Variants in TDG observed in about 807,000 individuals in gnomAD.
The protein encoded by TDG is thymine DNA glycosylase.
TDG carries 23 observed loss-of-function variants against 46.1 expected under a neutral mutation model. The observed-to-expected ratio is 0.50, with a 90% CI of 0.36 to 0.71. TDG has a LOEUF of 0.71. TDG is among the 30% of genes least tolerant of loss of function. TDG has a pLI of 0.00. For synonymous variants in TDG, 115 were observed against 161.3 expected (o/e 0.71, Z 2.18); for missense variants, 304 against 486.7 (o/e 0.62, Z 3.53).
chr12:103,981,277 G>T (rs2722183), intron 4 of TDG, among the ~76,000 whole-genome samples: 2 of 120,900 alleles, frequency 1.7e-5, no homozygotes, highest in African/African-American at 3.2e-5. Context: ...CTCTTTTTGC[G>T]CAGACTGGAG....
chr12:103,966,687 AG>A (rs1871049360), intron 1 of TDG, among the ~76,000 whole-genome samples: 2 of 152,226 alleles, frequency 1.3e-5, no homozygotes, highest in Non-Finnish European at 2.9e-5. Flanking sequence ...TTGCAAAAGC[AG>A]GAGATTTAGG....
rs570007530 is a variant in TDG, at chr12:103,987,818, T to C, written c.*728T>C. On this transcript the variant is annotated 3_prime_UTR_variant, in exon 10 of 10. Transcript: ENST00000392872. ...TTTTACTTGAGACATGTAAATATGA[T>C]AGGGAAGGAACTGAATTTCTCCATT... 3 of 152,600 alleles carry C rather than the reference T, an allele frequency of 2.0e-5. No homozygotes were observed. The South Asian group carries it at 6.2e-4, about 32-fold the overall frequency. The allele number at this position is 152,600 out of a possible 1,614,324, so 9.5% of individuals were successfully genotyped here.
chr12:103,980,787 A>G (rs932112648), intron 3 of TDG, 106 bp from the exon 4 acceptor site: 3 of 901,818 alleles, frequency 3.3e-6, no homozygotes, highest in Admixed American at 2.3e-5. Context: ...TGCTGAATTA[A>G]ATTTGTATTT....
At chr12:103,976,850 C>T in intron 1 of TDG, 68 bp from the exon 2 acceptor site, 2 of 1,584,194 alleles carry the variant, frequency 1.3e-6, no homozygotes. Context: ...GATTTTTGTA[C>T]AGCTGATCAT....
At position 103,979,924 on chromosome 12, in the gene TDG, A is replaced by T; in HGVS notation, c.260A>T (p.Lys87Met). 6.2e-7 allele frequency: 1 copy of T among 1,611,966 alleles called. No homozygotes were observed. The highest frequency in any genetic ancestry group is 1.1e-5 in the South Asian group (1 of 90,610). The part of the protein sequence containing the change: ...KKPVESKKSG[K>M]SAKSKEKQEK... ...CCTGTTGAGTCAAAAAAATCTGGCAAGTCTGCAAAATCAAAAGAAAAACAA... is the reference window on the plus strand; with the variant it reads ...CCTGTTGAGTCAAAAAAATCTGGCATGTCTGCAAAATCAAAAGAAAAACAA... Residue 87 changes from lysine (K) to methionine (M), a missense_variant, in exon 3 of 10, where the codon AAG becomes ATG. By Grantham distance (95) the Lys-to-Met change is moderately conservative. Coordinates refer to ENST00000392872, the MANE Select transcript of TDG (RefSeq NM_003211.6).
chr12:103,971,371 G>A (rs1398408946), intron 1 of TDG, among the ~76,000 whole-genome samples: 1 of 152,106 alleles, frequency 6.6e-6, no homozygotes, highest in Non-Finnish European at 1.5e-5. Flanking sequence ...ACACCAGCCT[G>A]ACCAACATGG....
intron 1 of TDG, among the ~76,000 whole-genome samples, chr12:103,971,964 T>C (rs747214787): frequency 3.2e-4 from 49 of 152,322 alleles, no homozygotes; most frequent in Middle Eastern, 3.4e-3. Context: ...CATAGAGTTA[T>C]TGCTCAGAAA....
At chr12:103,966,081 G>A (rs1261530624) in intron 1 of TDG, 21 bp downstream of exon 1, 1 of 1,560,026 alleles carries the variant, frequency 6.4e-7, no homozygotes. Context: ...GGCCAGCGCC[G>A]CCCCTCCCTT....
chr12:103,974,989 A>G lies in TDG; in HGVS notation c.24-1929A>G, dbSNP rs550206906. Among the ~76,000 whole-genome samples, 21 of 90,486 alleles carry G rather than the reference A, an allele frequency of 2.3e-4. 1 individual carries two copies. The South Asian group carries it at 2.7e-3, about 12-fold the overall frequency. The allele number at this position is 90,486 out of a possible 152,430, so 59.4% of individuals were successfully genotyped here. The stretch of plus-strand genomic sequence containing the variant: ...GACTCCGTCTCAAAAAAAAAAAAAA[A>G]AAAAGAAAAAGAAAAAGAAAACATG... On this transcript the variant is annotated intron_variant, in intron 1 of 9. Coordinates refer to ENST00000392872, the MANE Select transcript of TDG (RefSeq NM_003211.6).
Position 103,965,903 on chromosome 12 carries a change from A to G in TDG, c.-135A>G, listed in dbSNP as rs1464032403. On this transcript the variant is annotated 5_prime_UTR_variant, in exon 1 of 10. Transcript: ENST00000392872. ...CTGGAGGAGGAGCTTGAGTCCAGCC[A>G]CTGTCTGGGTACTGCCAGCCATCGG... 3 of 1,374,322 alleles carry G rather than the reference A, an allele frequency of 2.2e-6. No homozygotes were observed. Among genetic ancestry groups the G allele is most frequent in the African/African-American group, 1.4e-5 (1 of 70,262 alleles). 85.1% of individuals were successfully genotyped at this position (1,374,322 alleles called of 1,614,324 possible).
At chr12:103,970,916 G>A (rs1275532167) in intron 1 of TDG, among the ~76,000 whole-genome samples, 1 of 151,808 alleles carries the variant, frequency 6.6e-6, no homozygotes, top group African/African-American at 2.4e-5. Context: ...TCAACCAACT[G>A]TGGATTGAAA....
At chr12:103,983,613 T>A (rs1432785566) in intron 7 of TDG, among the ~76,000 whole-genome samples, 1 of 152,256 alleles carries the variant, frequency 6.6e-6, no homozygotes, top group Non-Finnish European at 1.5e-5. Flanking sequence ...TGTCTTGATG[T>A]TGTTATTCAG....
chr12:103,975,996 T>TG (rs1205223053), intron 1 of TDG, among the ~76,000 whole-genome samples: 1 of 151,584 alleles, frequency 6.6e-6, no homozygotes, highest in Non-Finnish European at 1.5e-5. Context: ...TCTCAACACT[T>TG]GCATTGGGGA....
At chr12:103,982,357 A>G (rs910420656) in intron 4 of TDG, among the ~76,000 whole-genome samples, 1 of 152,188 alleles carries the variant, frequency 6.6e-6, no homozygotes, top group African/African-American at 2.4e-5. Context: ...GGTATCACCA[A>G]TTGTAAAGCA....
chr12:103,966,112 G>C lies in TDG; in HGVS notation c.23+52G>C, dbSNP rs369243880. 3,064 of 1,459,428 alleles carry C rather than the reference G, an allele frequency of 2.1e-3. 64 individuals are homozygous for C. In the South Asian group the frequency reaches 0.032, roughly 15 times the overall value. 90.4% of individuals were successfully genotyped at this position (1,459,428 alleles called of 1,614,324 possible). On this transcript the variant is annotated intron_variant, in intron 1 of 9. Transcript: ENST00000392872. ...CCCTTGCGCCCCTCACTGCTGGGCA[G>C]GCTGGCTGGCGCGCGCGCGCGCACG...
At chr12:103,980,404 A>G (rs1871766493) in intron 3 of TDG, 1 of 285,934 alleles carries the variant, frequency 3.5e-6, no homozygotes, top group South Asian at 5.1e-5. Context: ...ATCCATGTGA[A>G]TCACTTCAAC....
chr12:103,983,460 C>G, intron 7 of TDG, 71 bp downstream of exon 7: 1 of 1,158,044 alleles, frequency 8.6e-7, no homozygotes, highest in Non-Finnish European at 1.2e-6. Flanking sequence ...CCTTATTTGT[C>G]CTATCCATTG....
chr12:103,984,924 T>C lies in TDG; in HGVS notation c.964+4T>C. On this transcript the variant is annotated splice_donor_region_variant and intron_variant, in intron 8 of 9. Transcript: ENST00000392872. ...TTTGACCTACAGCTTGCCCAAGGTA[T>C]GTTACTGTCCTCATTCCTTTTATTC... is the stretch of plus-strand genomic sequence containing the variant. The C allele has an allele frequency of 4.5e-6, 4 of 880,698 alleles. No individual in the cohort carries two copies. Among genetic ancestry groups the C allele is most frequent in the Non-Finnish European group, 6.0e-6 (4 of 668,416 alleles). 54.6% of individuals were successfully genotyped at this position (880,698 alleles called of 1,614,324 possible).
chr12:103,966,749 C>A (rs182894619), intron 1 of TDG, among the ~76,000 whole-genome samples: 5 of 152,128 alleles, frequency 3.3e-5, no homozygotes, highest in Non-Finnish European at 7.4e-5. Flanking sequence ...GATATGGTGA[C>A]AGTTTTTTAA....
Sources: allele counts gnomAD v4.1 joint callset (sites outside exome capture counted in the v4.1 genomes callset), GRCh38; gene constraint gnomAD v4.1.1; transcripts MANE v1.5; gene names NCBI Gene and HGNC (gene_info 2026-07-23, HGNC 2026-07-21).